Variants in KCNH8 observed in about 807,000 individuals in gnomAD.
The protein encoded by KCNH8 is potassium voltage-gated channel subfamily H member 8, also known as voltage-gated delayed rectifier potassium channel KCNH8.
KCNH8 carries 70 observed loss-of-function variants against 103.6 expected under a neutral mutation model. The ratio of observed to expected loss-of-function variants is 0.68; its 90% CI spans 0.56 to 0.82. KCNH8 has a LOEUF of 0.82. KCNH8 is among the 40% of genes least tolerant of loss of function. The pLI, the probability that KCNH8 is intolerant of heterozygous loss-of-function variation, is 0.00. For synonymous variants in KCNH8, 498 were observed against 489.4 expected (o/e 1.02, Z -0.23); for missense variants, 1,217 against 1,329.9 (o/e 0.92, Z 1.32).
chr3:19,496,943 T>G lies in KCNH8; in HGVS notation c.2041-13420T>G, dbSNP rs1416775509. On this transcript the variant is annotated intron_variant, in intron 11 of 15. Transcript: ENST00000328405. Reference sequence around the variant, plus strand: ...TAGGAGGTTATATGTGTCCAGGAATTTATCAGGTTCTTCTAGATTTTCTAG... The same window carrying G: ...TAGGAGGTTATATGTGTCCAGGAATGTATCAGGTTCTTCTAGATTTTCTAG... 5.3e-5 allele frequency among the ~76,000 whole-genome samples: 8 copies of G among 152,276 alleles called. No individual in the cohort carries two copies. The South Asian group carries it at 1.4e-3, about 28-fold the overall frequency.
At chr3:19,449,148 T>C (rs2125181682) in intron 8 of KCNH8, 1 of 293,850 alleles carries the variant, frequency 3.4e-6, no homozygotes, top group Non-Finnish European at 7.2e-6. Flanking sequence ...TAAATCTCCA[T>C]ATGCCCTCAA....
intron 1 of KCNH8, among the ~76,000 whole-genome samples, chr3:19,218,788 T>C (rs2125229868): frequency 6.6e-6 from 1 of 152,352 alleles, no homozygotes; most frequent in East Asian, 1.9e-4. Context: ...CTCTCCTAGC[T>C]TCTGATAGCT....
chr3:19,416,967 A>T (rs1055866030), intron 7 of KCNH8, among the ~76,000 whole-genome samples: 25 of 151,868 alleles, frequency 1.6e-4, no homozygotes, highest in South Asian at 2.1e-4. Flanking sequence ...TGTTTGTAGG[A>T]TTTAAGAGTT....
At chr3:19,505,038 T>TAC (rs2068664866) in intron 11 of KCNH8, among the ~76,000 whole-genome samples, 1 of 150,598 alleles carries the variant, frequency 6.6e-6, no homozygotes, top group Admixed American at 6.7e-5. Context: ...TGTATATATA[T>TAC]ACACTATATA....
chr3:19,500,222 T>G (rs1559359310), intron 11 of KCNH8, among the ~76,000 whole-genome samples: 4 of 152,040 alleles, frequency 2.6e-5, no homozygotes, highest in Non-Finnish European at 5.9e-5. Context: ...AGGGATCAAT[T>G]CAACAAGAGC....
rs547382288 is a variant in KCNH8, at chr3:19,178,189, T to A, written c.76+29394T>A. Among the ~76,000 whole-genome samples the A allele has an allele frequency of 5.1e-4, 77 of 152,118 alleles. 1 individual carries two copies. Among genetic ancestry groups the A allele is most frequent in the Non-Finnish European group, 9.0e-4 (61 of 67,958 alleles). On this transcript the variant is annotated intron_variant, in intron 1 of 15. Transcript: ENST00000328405. Reference sequence around the variant, plus strand: ...TGAGGCTTCTGAAATAAAAAAAAAATTACTTATTTGTATTATATTTTATAC... The same window carrying A: ...TGAGGCTTCTGAAATAAAAAAAAAAATACTTATTTGTATTATATTTTATAC...
intron 14 of KCNH8, 148 bp downstream of exon 14, chr3:19,515,576 C>T (rs566501915): frequency 9.9e-5 from 42 of 422,608 alleles, no homozygotes; most frequent in Admixed American, 2.6e-4. Context: ...AATAATTTGA[C>T]ATGAGTTTAT....
intron 2 of KCNH8, among the ~76,000 whole-genome samples, chr3:19,259,935 T>C (rs1018940056): frequency 5.3e-5 from 8 of 151,698 alleles, no homozygotes; most frequent in Non-Finnish European, 1.0e-4. Flanking sequence ...ACCTAAGCTG[T>C]TGAATAAATG....
intron 3 of KCNH8, among the ~76,000 whole-genome samples, chr3:19,328,601 A>G (rs1201752965): frequency 6.6e-6 from 1 of 152,180 alleles, no homozygotes; most frequent in Non-Finnish European, 1.5e-5. Context: ...GCGTTAGTCA[A>G]TGTCTTCATA....
At chr3:19,272,475 A>T (rs1460533475) in intron 2 of KCNH8, among the ~76,000 whole-genome samples, 1 of 152,052 alleles carries the variant, frequency 6.6e-6, no homozygotes, top group Non-Finnish European at 1.5e-5. Flanking sequence ...GCTTCTAGCC[A>T]ATGATTGAGT....
rs1163604706 is a variant in KCNH8 at position 19,308,650 on chromosome 3, GTCTCTCTCTCTCTCTCTCTCTCTCTCTC to G, written c.442+27362_442+27389del. Among the ~76,000 whole-genome samples the G allele has an allele frequency of 3.7e-3, 191 of 51,366 alleles. 5 individuals are homozygous for G. The highest frequency in any genetic ancestry group is 5.8e-3 in the Non-Finnish European group (160 of 27,606). 33.7% of individuals were successfully genotyped at this position (51,366 alleles called of 152,430 possible). ...ATGAAAAGACCCTGTGAATGTTGGG[GTCTCTCTCTCTCTCTCTCTCTCTCTCTC>G]TCTCTCTCTCTCTCTCTCTCTCTCT... On this transcript the variant is annotated intron_variant, in intron 3 of 15. Transcript: ENST00000328405.
intron 3 of KCNH8, among the ~76,000 whole-genome samples, chr3:19,318,872 T>C (rs1218320740): frequency 6.6e-6 from 1 of 151,886 alleles, no homozygotes; most frequent in Non-Finnish European, 1.5e-5. Flanking sequence ...GGTGTCGCAT[T>C]GTGGTTTTGA....
rs2125194222 is a variant in KCNH8 at position 19,171,284 on chromosome 3, C to A, written c.76+22489C>A. 1.3e-5 allele frequency among the ~76,000 whole-genome samples: 2 copies of A among 152,168 alleles called. 1 individual carries two copies. Among genetic ancestry groups the A allele is most frequent in the Middle Eastern group, 6.8e-3 (2 of 294 alleles). ...AATAAACATAAGTTTTCAAAAAAAT[C>A]AATTTTTCTACTTTCTGAAAAACGT... is the stretch of plus-strand genomic sequence containing the variant. On this transcript the variant is annotated intron_variant, in intron 1 of 15. Coordinates refer to ENST00000328405, the MANE Select transcript of KCNH8 (RefSeq NM_144633.3).
intron 5 of KCNH8, among the ~76,000 whole-genome samples, chr3:19,356,665 G>A (rs994321871): frequency 1.3e-5 from 2 of 151,836 alleles, no homozygotes; most frequent in African/African-American, 2.4e-5. Context: ...AGCATTAATC[G>A]AATCCAATCT....
chr3:19,182,579 C>CTTT (rs1461752567), intron 1 of KCNH8, among the ~76,000 whole-genome samples: 1 of 152,150 alleles, frequency 6.6e-6, no homozygotes, highest in Non-Finnish European at 1.5e-5. Context: ...AAGCTTTCAG[C>CTTT]TTTTTTTCCT....
chr3:19,462,534 G>A (rs938589540), intron 11 of KCNH8, among the ~76,000 whole-genome samples: 4 of 152,176 alleles, frequency 2.6e-5, no homozygotes, highest in Admixed American at 6.5e-5. Flanking sequence ...GTAGATTCCG[G>A]GTATTAGCCC....
At chr3:19,339,566 G>A in intron 3 of KCNH8, among the ~76,000 whole-genome samples, 1 of 152,100 alleles carries the variant, frequency 6.6e-6, no homozygotes, top group East Asian at 1.9e-4. Flanking sequence ...ACAATGAAAT[G>A]TGCTTTGTTC....
chr3:19,248,526 C>G (rs949845802), intron 1 of KCNH8, among the ~76,000 whole-genome samples: 1 of 152,130 alleles, frequency 6.6e-6, no homozygotes, highest in African/African-American at 2.4e-5. Flanking sequence ...TTTTTGGAGA[C>G]TGAAATAGGT....
intron 5 of KCNH8, among the ~76,000 whole-genome samples, chr3:19,379,403 A>G (rs1449677567): frequency 6.6e-6 from 1 of 152,172 alleles, no homozygotes; most frequent in Non-Finnish European, 1.5e-5. Flanking sequence ...GCACTTTGGG[A>G]GGCCATGGTG....
Sources: gnomAD v4.1 joint callset for allele counts (sites outside exome capture counted in the v4.1 genomes callset) on GRCh38, gnomAD v4.1.1 for gene constraint, MANE v1.5 for transcripts, NCBI Gene and HGNC (gene_info 2026-07-23, HGNC 2026-07-21) for gene names.